The following MLIP variants were observed in gnomAD, a reference collection of about 807,000 sequenced individuals.
MLIP encodes the protein muscular LMNA interacting protein.
A neutral mutation model predicts 84.8 loss-of-function variants in MLIP; 79 were observed. The observed-to-expected ratio is 0.93, with a 90% CI of 0.78 to 1.12. The LOEUF (loss-of-function observed/expected upper bound fraction) is 1.12. MLIP is among the 50% of genes most tolerant of loss of function. The probability of loss-of-function intolerance (pLI) is 0.00; values close to 1 mark genes in which losing one functional copy is unlikely to be tolerated. For synonymous variants in MLIP, 504 were observed against 463.0 expected (o/e 1.09, Z -1.14); for missense variants, 1,257 against 1,160.6 (o/e 1.08, Z -1.21).
chr6:54,075,562 T>A (rs1347473038), intron 1 of MLIP, among the ~76,000 whole-genome samples: 1 of 152,198 alleles, frequency 6.6e-6, no homozygotes, highest in Non-Finnish European at 1.5e-5. Flanking sequence ...TCCATAGATA[T>A]TAGTGCTTAT....
intron 12 of MLIP, among the ~76,000 whole-genome samples, chr6:54,233,017 C>T (rs984788179): frequency 6.6e-6 from 1 of 152,164 alleles, no homozygotes; most frequent in Non-Finnish European, 1.5e-5. Flanking sequence ...TTAATCCCTC[C>T]CTTACTTTTT....
At chr6:54,151,512 A>G (rs1160344277) in intron 5 of MLIP, among the ~76,000 whole-genome samples, 2 of 152,176 alleles carry the variant, frequency 1.3e-5, no homozygotes, top group East Asian at 1.9e-4. Context: ...TTATGGAAGA[A>G]TAAAAATCTT....
chr6:54,050,984 C>T (rs193072553), intron 1 of MLIP, among the ~76,000 whole-genome samples: 7 of 152,242 alleles, frequency 4.6e-5, no homozygotes, highest in East Asian at 1.9e-4. Context: ...GTCCTACAGA[C>T]GTTTCCAATG....
chr6:54,118,149 C>T (rs1770120757), intron 1 of MLIP, among the ~76,000 whole-genome samples: 3 of 152,214 alleles, frequency 2.0e-5, no homozygotes, highest in Admixed American at 2.0e-4. Flanking sequence ...CAATGACATT[C>T]TTCACAGAAT....
At chr6:54,167,415 C>T (rs1775308892) in intron 8 of MLIP, among the ~76,000 whole-genome samples, 1 of 151,838 alleles carries the variant, frequency 6.6e-6, no homozygotes, top group Non-Finnish European at 1.5e-5. Flanking sequence ...CTTTTCAAAT[C>T]AGTTATATCA....
At chr6:54,160,453 C>G (rs368115749) in intron 6 of MLIP, 21 bp downstream of exon 6, 2 of 1,611,888 alleles carry the variant, frequency 1.2e-6, no homozygotes, top group African/African-American at 1.3e-5. Flanking sequence ...CAGATTACCC[C>G]TGCTTTTGGT....
chr6:54,209,908 T>C (rs999673287), intron 11 of MLIP, among the ~76,000 whole-genome samples: 11 of 152,264 alleles, frequency 7.2e-5, no homozygotes, highest in Admixed American at 1.3e-4. Flanking sequence ...TTTCTTTTTT[T>C]TTTTTTACAA....
chr6:54,108,093 T>C (rs1179174735), upstream of MLIP, among the ~76,000 whole-genome samples: 2 of 152,162 alleles, frequency 1.3e-5, no homozygotes, highest in African/African-American at 4.8e-5. Flanking sequence ...GTAATAAGGG[T>C]GACGGATGCC....
chr6:54,155,147 G>T (rs1773884423), intron 5 of MLIP, among the ~76,000 whole-genome samples: 1 of 152,022 alleles, frequency 6.6e-6, no homozygotes, highest in African/African-American at 2.4e-5. Flanking sequence ...AATATTCCCA[G>T]ATCTTTAAAG....
chr6:54,061,640 C>T (rs1765971166), intron 1 of MLIP, among the ~76,000 whole-genome samples: 2 of 152,050 alleles, frequency 1.3e-5, no homozygotes, highest in African/African-American at 4.8e-5. Context: ...ATAAATGAGA[C>T]CATTTGTGTA....
intron 10 of MLIP, among the ~76,000 whole-genome samples, chr6:54,192,092 A>G (rs1777975081): frequency 6.6e-6 from 1 of 151,904 alleles, no homozygotes; most frequent in Non-Finnish European, 1.5e-5. Flanking sequence ...CAATAAAATA[A>G]TCCTGTTGTT....
At chr6:54,221,511 C>T (rs1329903894) in intron 11 of MLIP, among the ~76,000 whole-genome samples, 1 of 149,530 alleles carries the variant, frequency 6.7e-6, no homozygotes, top group African/African-American at 2.4e-5. Flanking sequence ...TGAATTCAGG[C>T]TAAAAGTTCC....
In MLIP at chr6:54,068,824, A is replaced by G. The variant is rs1766338263; in HGVS notation, c.63+49733A>G. Among the ~76,000 whole-genome samples, 2 of 100,578 alleles carry G rather than the reference A, an allele frequency of 2.0e-5. 1 individual carries two copies. The highest frequency in any genetic ancestry group is 5.7e-5 in the Non-Finnish European group (2 of 34,938). The allele number at this position is 100,578 out of a possible 152,430, so 66.0% of individuals were successfully genotyped here. On this transcript the variant is annotated intron_variant, in intron 1 of 12. Coordinates refer to the MLIP transcript ENST00000274897. ...CTTCACCAGCTAGCTAGTCAATTTC[A>G]GAGCCAGGATTTTGATCCAGGATTT...
At chr6:54,066,688 G>A (rs1037061810) in intron 1 of MLIP, among the ~76,000 whole-genome samples, 2 of 100,072 alleles carry the variant, frequency 2.0e-5, no homozygotes, top group African/African-American at 5.1e-5. Context: ...ATTATAATGA[G>A]AAATAGATTG....
chr6:54,109,997 T>G (rs539221971), upstream of MLIP, among the ~76,000 whole-genome samples: 293 of 95,184 alleles, frequency 3.1e-3, 2 homozygotes, highest in African/African-American at 9.2e-3. Context: ...TTTTCTTTTT[T>G]TTTTTGACGG....
intron 3 of MLIP, among the ~76,000 whole-genome samples, chr6:54,129,049 A>T (rs1439981178): frequency 6.6e-6 from 1 of 152,144 alleles, no homozygotes; most frequent in African/African-American, 2.4e-5. Flanking sequence ...AAATAAGACC[A>T]AAAGAACTGA....
intron 1 of MLIP, among the ~76,000 whole-genome samples, chr6:54,079,897 C>T (rs1201091625): frequency 6.6e-6 from 1 of 152,126 alleles, no homozygotes; most frequent in African/African-American, 2.4e-5. Flanking sequence ...TGCCTTCCTC[C>T]AACTACCGCT....
intron 1 of MLIP, among the ~76,000 whole-genome samples, chr6:54,077,990 C>T (rs1428592588): frequency 6.6e-6 from 1 of 152,168 alleles, no homozygotes; most frequent in African/African-American, 2.4e-5. Flanking sequence ...AGGTTGTTCT[C>T]ATTTTCACTC....
chr6:54,124,516 A>AAG lies in MLIP; in HGVS notation c.304_305dup (p.Asp102GlufsTer6). The AAG allele has an allele frequency of 6.2e-7, 1 of 1,614,188 alleles. No homozygotes were observed. Among genetic ancestry groups the AAG allele is most frequent in the Non-Finnish European group, 8.5e-7 (1 of 1,180,022 alleles). On this transcript the variant is annotated frameshift_variant, in exon 3 of 14. Transcript: ENST00000502396. LOFTEE classifies it high-confidence loss of function. ...TTGACCTTGAATGCTGGGAGCCAAC[A>AAG]AGAGAGAGACCAAGCGAAATTGACT...
Sources: gnomAD v4.1 joint callset for allele counts (sites outside exome capture counted in the v4.1 genomes callset) on GRCh38, gnomAD v4.1.1 for gene constraint, MANE v1.5 for transcripts, NCBI Gene and HGNC (gene_info 2026-07-23, HGNC 2026-07-21) for gene names.